The following KIF25 variants were observed in gnomAD, a reference collection of about 807,000 sequenced individuals.
KIF25 encodes kinesin family member 25, also known as kinesin-like protein KIF25.
A neutral mutation model predicts 32.9 loss-of-function variants in KIF25; 19 were observed. The observed-to-expected ratio is 0.58, with a 90% CI of 0.40 to 0.85. The LOEUF is 0.85. Ranked by LOEUF, KIF25 falls within the 40% of genes least tolerant of loss-of-function variation. The pLI is 0.00. For missense variants in KIF25, 485 were observed against 507.0 expected (o/e 0.96, Z 0.42); for synonymous variants, 225 against 213.7 (o/e 1.05, Z -0.46).
At chr6:168,020,128 TCAAACAAACAAA>T (rs58439453) in intron 5 of KIF25, among the ~76,000 whole-genome samples, 17 of 150,248 alleles carry the variant, frequency 1.1e-4, no homozygotes, top group East Asian at 4.0e-4. Context: ...AGACTCCATC[TCAAACAAACAAA>T]CAAACAAACA....
intron 2 of KIF25, 130 bp from the exon 3 acceptor site, chr6:168,002,413 C>T (rs571074034): frequency 6.6e-6 from 1 of 152,518 alleles, no homozygotes; most frequent in Non-Finnish European, 1.5e-5. Flanking sequence ...GCTTCTTTCT[C>T]CTGGATGGTG....
Position 168,030,820 on chromosome 6 carries a change from GC to G in KIF25, c.145del (p.Leu49TyrfsTer46), listed in dbSNP as rs781373756. 6.2e-7 allele frequency: 1 copy of G among 1,613,172 alleles called. No homozygotes were observed. The highest frequency in any genetic ancestry group is 1.3e-5 in the African/African-American group (1 of 74,938). On this transcript the variant is annotated frameshift_variant, in exon 7 of 13. Transcript: ENST00000643607. LOFTEE classifies it high-confidence loss of function. ...CAGAGCGCGGTCTTTGGAGATGTGT[GC>G]CCCCTACTCACTTCTCTCTTGGATG... Reference protein sequence around the residue: ...ESQSAVFGDVCPLLTSLLDGY... With the variant: ...ESQSAVFGDVXPLLTSLLDGY...
intron 12 of KIF25, among the ~76,000 whole-genome samples, chr6:168,043,061 G>A (rs532730997): frequency 4.3e-4 from 65 of 152,294 alleles, no homozygotes; most frequent in African/African-American, 1.5e-3. Flanking sequence ...CCCTCCGGCT[G>A]TGTAGACCTG....
intron 5 of KIF25, among the ~76,000 whole-genome samples, chr6:168,021,744 T>C (rs914401259): frequency 4.6e-5 from 7 of 152,240 alleles, no homozygotes; most frequent in Admixed American, 2.0e-4. Flanking sequence ...TGAGAAGTCT[T>C]ATCTAAGGCA....
intron 4 of KIF25, among the ~76,000 whole-genome samples, chr6:168,010,060 A>G (rs1798628698): frequency 6.6e-6 from 1 of 151,402 alleles, no homozygotes; most frequent in African/African-American, 2.4e-5. Context: ...AATTTCTTTT[A>G]TTGTGGTTCT....
At chr6:168,039,960 G>A (rs2073632) in intron 9 of KIF25, 105 bp from the exon 10 acceptor site, 123,738 of 1,377,256 alleles carry the variant, frequency 0.09, 6,427 homozygotes, top group East Asian at 0.21. Flanking sequence ...CCACTGGCAC[G>A]CGTGGCTCAT....
rs1018963955 is a variant in KIF25, at chr6:167,998,032, C to A, written c.-1437C>A. ...TTGAGTGCTTCCTGTGTACCAAGTA[C>A]TTTTGAAACCATTTGGTGTATTTTC... is the stretch of plus-strand genomic sequence containing the variant. On this transcript the variant is annotated 5_prime_UTR_variant, in exon 1 of 13. Transcript: ENST00000643607. Among the ~76,000 whole-genome samples, 1 of 152,164 alleles carries A rather than the reference C, an allele frequency of 6.6e-6. No homozygotes were observed. The highest frequency in any genetic ancestry group is 2.4e-5 in the African/African-American group (1 of 41,418).
At position 168,042,063 on chromosome 6, in the gene KIF25, A is replaced by G. The variant is rs1799129898; in HGVS notation, c.741A>G (p.Pro247=). The G allele has an allele frequency of 3.2e-6, 5 of 1,551,256 alleles. No homozygotes were observed. The highest frequency in any genetic ancestry group is 3.5e-6 in the Non-Finnish European group (4 of 1,147,242). The change falls in exon 11 of 13, where the codon CCA becomes CCG. Residue 247 remains proline, a synonymous_variant. Transcript: ENST00000643607. ...SRRASQGALA[P]QLVPGNPAGH... ...GAGCTTCTCAAGGGGCCTTGGCTCC[A>G]CAGCTGGTTCCTGGGAACCCCGCAG...
intron 8 of KIF25, 74 bp downstream of exon 8, chr6:168,034,105 G>A (rs1449304267): frequency 2.6e-6 from 4 of 1,514,914 alleles, no homozygotes; most frequent in East Asian, 4.5e-5. Flanking sequence ...TGGTTATCAC[G>A]TGGGAAAAAT....
At chr6:168,020,169 A>G (rs1032961971) in intron 5 of KIF25, among the ~76,000 whole-genome samples, 4 of 147,848 alleles carry the variant, frequency 2.7e-5, no homozygotes, top group African/African-American at 9.8e-5. Flanking sequence ...GAGAAACACC[A>G]GAGATAAAAT....
chr6:168,005,022 GC>G (rs1339253775), intron 4 of KIF25, among the ~76,000 whole-genome samples: 1 of 152,158 alleles, frequency 6.6e-6, no homozygotes, highest in Admixed American at 6.5e-5. Flanking sequence ...GTTTTTAAAG[GC>G]AGGAGGACAC....
rs568834136 is a variant in KIF25, at chr6:168,005,968, C to T, written c.-163+2265C>T. 5.9e-5 allele frequency among the ~76,000 whole-genome samples: 9 copies of T among 152,356 alleles called. No individual in the cohort carries two copies. In the South Asian group the frequency reaches 1.9e-3, roughly 32 times the overall value. On this transcript the variant is annotated intron_variant, in intron 4 of 12. Coordinates refer to ENST00000643607, the MANE Select transcript of KIF25 (RefSeq NM_030615.4). ...CACAGACCCCATCTACTGACGAGAA[C>T]ATGCTTTGTTCCTGGCCCAGCAAGG...
At chr6:168,030,121 A>G (rs900976877) in intron 6 of KIF25, among the ~76,000 whole-genome samples, 2 of 152,158 alleles carry the variant, frequency 1.3e-5, no homozygotes, top group African/African-American at 4.8e-5. Context: ...CAAATTGTGC[A>G]GGAAACGGCA....
chr6:168,019,846 G>A (rs1798765046), intron 5 of KIF25, among the ~76,000 whole-genome samples: 1 of 152,076 alleles, frequency 6.6e-6, no homozygotes, highest in Non-Finnish European at 1.5e-5. Flanking sequence ...TGAAGAAGTC[G>A]GCCGGAGGTG....
intron 4 of KIF25, among the ~76,000 whole-genome samples, chr6:168,017,413 T>G (rs898225162): frequency 6.6e-6 from 1 of 152,246 alleles, no homozygotes; most frequent in African/African-American, 2.4e-5. Flanking sequence ...TAAGTGAAAC[T>G]AAACTAATTT....
rs1799131692 is a variant in KIF25, at chr6:168,042,118, C to A, written c.796C>A (p.Gln266Lys). ...TGCGGAGCAGGTGCAGGCTCGACTA[C>A]AGCTCGTGGACTCGGCCGGCAGCGA... ...GHAEQVQARL[Q>K]LVDSAGSECV... Residue 266 changes from glutamine (Q) to lysine (K), a missense_variant, in exon 11 of 13, where the codon CAG becomes AAG. Physicochemically the swap from Gln to Lys is moderately conservative, Grantham distance 53 (BLOSUM62 1). This residue lies in a region of KIF25 where 480 missense variants were observed against 470.3 expected (regional missense o/e 1.02). Coordinates refer to ENST00000643607, the MANE Select transcript of KIF25 (RefSeq NM_030615.4). The A allele has an allele frequency of 6.4e-7, 1 of 1,551,086 alleles. No individual in the cohort carries two copies. Among genetic ancestry groups the A allele is most frequent in the Non-Finnish European group, 8.7e-7 (1 of 1,147,622 alleles).
chr6:168,042,431 C>T (rs1449792835), intron 11 of KIF25, 130 bp from the exon 12 acceptor site: 21 of 1,197,170 alleles, frequency 1.8e-5, no homozygotes, highest in Non-Finnish European at 2.5e-5. Flanking sequence ...AAGACACTCA[C>T]TCTCATGCCT....
chr6:168,043,344 C>T (rs932184461), intron 12 of KIF25, among the ~76,000 whole-genome samples: 5 of 152,142 alleles, frequency 3.3e-5, no homozygotes, highest in African/African-American at 1.2e-4. Context: ...GGCCCTGGGC[C>T]CTGTAGGCCG....
Position 168,042,066 on chromosome 6 carries a change from G to A in KIF25, c.744G>A (p.Gln248=). The change falls in exon 11 of 13, where the codon CAG becomes CAA. Residue 248 remains glutamine (Q), a synonymous_variant. Coordinates refer to ENST00000643607, the MANE Select transcript of KIF25 (RefSeq NM_030615.4). ...RRASQGALAP[Q]LVPGNPAGHA... ...CTTCTCAAGGGGCCTTGGCTCCACA[G>A]CTGGTTCCTGGGAACCCCGCAGGGC... The A allele has an allele frequency of 1.3e-6, 2 of 1,551,396 alleles. No individual in the cohort carries two copies. The highest frequency in any genetic ancestry group is 1.7e-6 in the Non-Finnish European group (2 of 1,147,254).
Sources: gnomAD v4.1 joint callset for allele counts (sites outside exome capture counted in the v4.1 genomes callset) on GRCh38, gnomAD v4.1.1 for gene constraint, gnomAD v4.1.1 regional missense constraint, MANE v1.5 for transcripts, NCBI Gene and HGNC (gene_info 2026-07-23, HGNC 2026-07-21) for gene names.